The following RASA3 variants were observed in gnomAD, a reference collection of about 807,000 sequenced individuals.
The protein encoded by RASA3 is ras GTPase-activating protein 3.
RASA3 carries 73 observed loss-of-function variants against 110.0 expected under a neutral mutation model. That is an observed-to-expected ratio of 0.66 (90% CI 0.55 to 0.81). The LOEUF (loss-of-function observed/expected upper bound fraction) is 0.81. RASA3 is among the 30% of genes least tolerant of loss of function. The pLI is 0.00. For synonymous variants in RASA3, 500 were observed against 451.4 expected (o/e 1.11, Z -1.37); for missense variants, 976 against 1,113.2 (o/e 0.88, Z 1.75).
At chr13:114,061,062 A>T (rs1423069639) in intron 2 of RASA3, among the ~76,000 whole-genome samples, 1 of 151,946 alleles carries the variant, frequency 6.6e-6, no homozygotes, top group Non-Finnish European at 1.5e-5. Flanking sequence ...ACACAGAGAC[A>T]TTTCTTCTTC....
At chr13:114,024,234 G>C (rs1447972714) in intron 8 of RASA3, 45 bp downstream of exon 8, 1 of 1,536,404 alleles carries the variant, frequency 6.5e-7, no homozygotes, top group Non-Finnish European at 9.0e-7. Context: ...TGAGGAGTTT[G>C]GGTGAAAACT....
In RASA3 at chr13:114,049,643, C is replaced by T. The variant is rs77333853; in HGVS notation, c.277+2409G>A. On this transcript the variant is annotated intron_variant, in intron 3 of 23. Coordinates refer to ENST00000334062, the MANE Select transcript of RASA3 (RefSeq NM_007368.4). ...GGAGCTGGTGACGAGGCCTGACACA[C>T]GGTCACACCTCAATTCGCGCGTGGC... Among the ~76,000 whole-genome samples, 122 of 152,402 alleles carry T rather than the reference C, an allele frequency of 8.0e-4. 3 individuals carry two copies. The East Asian group carries it at 0.016, about 20-fold the overall frequency.
At chr13:114,039,304 C>A (rs1179905453) in intron 4 of RASA3, among the ~76,000 whole-genome samples, 1 of 145,298 alleles carries the variant, frequency 6.9e-6, no homozygotes, top group Non-Finnish European at 1.5e-5. Flanking sequence ...AGCTGAGGAC[C>A]CAGGAAGCCC....
At chr13:114,059,926 C>A (rs2079308192) in intron 2 of RASA3, among the ~76,000 whole-genome samples, 1 of 152,236 alleles carries the variant, frequency 6.6e-6, no homozygotes, top group Non-Finnish European at 1.5e-5. Flanking sequence ...CACAGAACCA[C>A]GAATGTCCAA....
At chr13:114,034,834 G>A (rs1041908212) in intron 4 of RASA3, among the ~76,000 whole-genome samples, 25 of 152,244 alleles carry the variant, frequency 1.6e-4, no homozygotes, top group African/African-American at 5.1e-4. Flanking sequence ...AGCCGTGCTC[G>A]GGGTGGAGGG....
intron 1 of RASA3, among the ~76,000 whole-genome samples, chr13:114,087,325 G>C (rs2079833114): frequency 1.3e-5 from 2 of 152,242 alleles, no homozygotes; most frequent in African/African-American, 4.8e-5. Flanking sequence ...CGTCCTTGTG[G>C]GGAAATCACG....
intron 2 of RASA3, among the ~76,000 whole-genome samples, chr13:114,071,199 C>T (rs2079567789): frequency 6.6e-6 from 1 of 152,204 alleles, no homozygotes; most frequent in Non-Finnish European, 1.5e-5. Context: ...CTCACTGCGG[C>T]CTCAACCTCC....
intron 18 of RASA3, among the ~76,000 whole-genome samples, chr13:114,005,298 G>T (rs376288276): frequency 1.3e-5 from 2 of 152,214 alleles, no homozygotes; most frequent in Non-Finnish European, 2.9e-5. Context: ...GCAAAGCCCC[G>T]AGCGGGAGTG....
At chr13:114,073,215 C>T (rs71449061) in intron 2 of RASA3, among the ~76,000 whole-genome samples, 2 of 146,076 alleles carry the variant, frequency 1.4e-5, no homozygotes, top group African/African-American at 2.5e-5. Context: ...CGTACACGCT[C>T]GGGACATTGT....
intron 2 of RASA3, among the ~76,000 whole-genome samples, chr13:114,068,901 G>T (rs2079503635): frequency 6.6e-6 from 1 of 152,214 alleles, no homozygotes; most frequent in Non-Finnish European, 1.5e-5. Context: ...GATGCGTTCT[G>T]AAGTTAAACC....
intron 3 of RASA3, among the ~76,000 whole-genome samples, chr13:114,046,207 T>A (rs1449984895): frequency 6.6e-6 from 1 of 152,238 alleles, no homozygotes; most frequent in African/African-American, 2.4e-5. Flanking sequence ...GGTATTGGCA[T>A]GAGGACAGGT....
At chr13:114,128,510 G>A (rs966999484) in intron 1 of RASA3, among the ~76,000 whole-genome samples, 5 of 152,218 alleles carry the variant, frequency 3.3e-5, no homozygotes, top group African/African-American at 1.2e-4. Flanking sequence ...GACCCTCCAG[G>A]CACCCCACTT....
Position 114,021,652 on chromosome 13 carries a change from C to A in RASA3, c.681-144G>T, listed in dbSNP as rs543124435. On this transcript the variant is annotated intron_variant, in intron 8 of 23. Transcript: ENST00000334062. ...CTCCATCAAGGCTCAGCCCACAGGG[C>A]ACGTTTCAAACACGTCAGACCAGCC... is the stretch of plus-strand genomic sequence containing the variant. 3 of 655,926 alleles carry A rather than the reference C, an allele frequency of 4.6e-6. No individual in the cohort carries two copies. In the African/African-American group the frequency reaches 5.4e-5, roughly 12 times the overall value. The allele number at this position is 655,926 out of a possible 1,614,324, so 40.6% of individuals were successfully genotyped here. A position where few individuals can be genotyped will look rare whatever the true frequency, so the allele number is the denominator to read the frequency against.
chr13:114,026,025 GC>G, intron 7 of RASA3, among the ~76,000 whole-genome samples: 1 of 152,364 alleles, frequency 6.6e-6, no homozygotes, highest in African/African-American at 2.4e-5. Flanking sequence ...CGAGGTCCGG[GC>G]CTTCCCTGGA....
At chr13:114,080,005 C>T (rs1214240463) in intron 1 of RASA3, among the ~76,000 whole-genome samples, 2 of 152,230 alleles carry the variant, frequency 1.3e-5, no homozygotes, top group East Asian at 1.9e-4. Flanking sequence ...AGTGCCTTCC[C>T]GAAGGGCCTG....
intron 1 of RASA3, among the ~76,000 whole-genome samples, chr13:114,104,302 G>A (rs1351111940): frequency 1.2e-4 from 11 of 90,186 alleles, no homozygotes; most frequent in Non-Finnish European, 1.5e-4. Context: ...CCCCGGCCAC[G>A]GACACCCACC....
In RASA3 at chr13:113,992,506, T is replaced by G; in HGVS notation, c.2224A>C (p.Ser742Arg). The G allele has an allele frequency of 6.2e-7, 1 of 1,613,326 alleles. No individual in the cohort carries two copies. Among genetic ancestry groups the G allele is most frequent in the African/African-American group, 1.3e-5 (1 of 75,052 alleles). The change falls in exon 22 of 24, where the codon AGC (serine) becomes CGC (arginine). Residue 742 changes from serine (S) to arginine (R), a missense_variant. By Grantham distance (110) the Ser-to-Arg change is moderately radical. Around this residue, in one of 4 missense-constraint regions of RASA3, gnomAD observed 132 missense variants for 152.8 expected, o/e 0.86. Transcript: ENST00000334062. ...TCACCCTGCATCTTCTCCAGCTTGC[T>G]CATGTACAAGTTGAAGAGGGAGTAG... ...RIYSLFNLYM[S>R]KLEKMQEACG...
At chr13:114,093,919 C>A (rs1329583398) in intron 1 of RASA3, among the ~76,000 whole-genome samples, 1 of 151,964 alleles carries the variant, frequency 6.6e-6, no homozygotes, top group Non-Finnish European at 1.5e-5. Flanking sequence ...TTACTTCAAT[C>A]TGTTAACTTT....
intron 1 of RASA3, among the ~76,000 whole-genome samples, chr13:114,078,155 T>C (rs933493717): frequency 6.6e-6 from 1 of 152,166 alleles, no homozygotes; most frequent in African/African-American, 2.4e-5. Flanking sequence ...TCGCCGTGTG[T>C]GCCACATGCA....
Sources: allele counts gnomAD v4.1 joint callset (sites outside exome capture counted in the v4.1 genomes callset), GRCh38; gene constraint gnomAD v4.1.1; regional missense constraint gnomAD v4.1.1; transcripts MANE v1.5; gene names NCBI Gene and HGNC (gene_info 2026-07-23, HGNC 2026-07-21).